ZNF385B: variants seen among roughly 807,000 people sequenced by gnomAD.
ZNF385B encodes the protein zinc finger protein 385B.
In ZNF385B, 23 loss-of-function variants were observed where a neutral mutation model predicts 39.2. The observed-to-expected ratio is 0.59, with a 90% CI of 0.42 to 0.83. The LOEUF (loss-of-function observed/expected upper bound fraction) is 0.83, where lower values mean the gene tolerates loss of function less well. Ranked by LOEUF, ZNF385B falls within the 40% of genes least tolerant of loss-of-function variation. ZNF385B has a pLI of 0.00. For synonymous variants in ZNF385B, 205 were observed against 222.6 expected, an observed-to-expected ratio of 0.92 and a Z score of 0.70; for missense variants, 552 against 598.9, an observed-to-expected ratio of 0.92 and a Z score of 0.82.
At chr2:179,447,077 T>A (rs1260120743) in intron 6 of ZNF385B, among the ~76,000 whole-genome samples, 6 of 152,188 alleles carry the variant, frequency 3.9e-5, no homozygotes, top group Admixed American at 3.9e-4. Context: ...CAAGGAAATA[T>A]TTATTATTAA....
intron 5 of ZNF385B, among the ~76,000 whole-genome samples, chr2:179,495,500 CTTGCGTAAA>C: frequency 1.3e-5 from 2 of 152,282 alleles, no homozygotes; most frequent in Middle Eastern, 6.8e-3. Flanking sequence ...TCCCCAGGGC[CTTGCGTAAA>C]CATAGGCAGC....
chr2:179,571,673 C>A (rs750730394), intron 3 of ZNF385B, among the ~76,000 whole-genome samples: 3 of 152,188 alleles, frequency 2.0e-5, no homozygotes, highest in Non-Finnish European at 2.9e-5. Flanking sequence ...AAGTTCTATT[C>A]ATATTTTCAC....
chr2:179,704,685 C>T lies in ZNF385B; in HGVS notation c.298+64818G>A, dbSNP rs529069026. Among the ~76,000 whole-genome samples the T allele has an allele frequency of 2.6e-4, 40 of 152,222 alleles. 1 individual carries two copies. The highest frequency in any genetic ancestry group is 9.4e-4 in the African/African-American group (39 of 41,510). On this transcript the variant is annotated intron_variant, in intron 3 of 9. Coordinates refer to ENST00000410066, the MANE Select transcript of ZNF385B (RefSeq NM_152520.6). ...AGAGTTATTGACCAATGAGCAGATG[C>T]CAGGGCCAAAGGTACTCTGAAGATG...
chr2:179,635,534 A>C (rs191173144), intron 3 of ZNF385B, among the ~76,000 whole-genome samples: 27 of 152,238 alleles, frequency 1.8e-4, no homozygotes, highest in African/African-American at 6.3e-4. Context: ...AAGTATAATA[A>C]TAATAAAAAA....
At chr2:179,534,058 G>A (rs576099202) in intron 4 of ZNF385B, among the ~76,000 whole-genome samples, 1 of 152,300 alleles carries the variant, frequency 6.6e-6, no homozygotes, top group African/African-American at 2.4e-5. Context: ...CCTCTGTACT[G>A]TTTCCAGGCA....
At chr2:179,471,138 G>T (rs1343016683) in intron 6 of ZNF385B, among the ~76,000 whole-genome samples, 1 of 152,176 alleles carries the variant, frequency 6.6e-6, no homozygotes, top group East Asian at 1.9e-4. Context: ...TTGTTATATG[G>T]AGATTTATGG....
intron 3 of ZNF385B, among the ~76,000 whole-genome samples, chr2:179,729,735 A>C (rs966711699): frequency 1.3e-5 from 2 of 152,200 alleles, no homozygotes; most frequent in Non-Finnish European, 2.9e-5. Context: ...CCATGTGTCG[A>C]GGCAGAGACC....
intron 1 of ZNF385B, among the ~76,000 whole-genome samples, chr2:179,787,217 G>GGAT (rs1192938748): frequency 1.3e-5 from 2 of 151,736 alleles, no homozygotes; most frequent in African/African-American, 4.8e-5. Flanking sequence ...GGATCATTAT[G>GGAT]GATGTATTTA....
At chr2:179,856,446 C>G (rs975825376) in intron 1 of ZNF385B, among the ~76,000 whole-genome samples, 1 of 151,976 alleles carries the variant, frequency 6.6e-6, no homozygotes, top group African/African-American at 2.4e-5. Flanking sequence ...TACAGGAGCC[C>G]AGAAAAGAAA....
chr2:179,450,577 G>A (rs796292361), intron 6 of ZNF385B, among the ~76,000 whole-genome samples: 31 of 151,964 alleles, frequency 2.0e-4, no homozygotes, highest in South Asian at 1.3e-3. Flanking sequence ...TTAGAATGGC[G>A]ATCATTAAAA....
chr2:179,665,186 G>A (rs1447371194), intron 3 of ZNF385B, among the ~76,000 whole-genome samples: 1 of 152,192 alleles, frequency 6.6e-6, no homozygotes, highest in Non-Finnish European at 1.5e-5. Context: ...CTGTCACAAT[G>A]CTAATGTATA....
intron 1 of ZNF385B, among the ~76,000 whole-genome samples, chr2:179,859,676 A>G (rs1684885000): frequency 6.6e-6 from 1 of 152,244 alleles, no homozygotes; most frequent in Non-Finnish European, 1.5e-5. Context: ...TTATAAATCC[A>G]CAAATATTTA....
intron 3 of ZNF385B, among the ~76,000 whole-genome samples, chr2:179,665,259 T>C (rs1339174684): frequency 6.6e-6 from 1 of 152,228 alleles, no homozygotes; most frequent in Non-Finnish European, 1.5e-5. Flanking sequence ...ATATTTATAG[T>C]GAGCTACAAT....
At chr2:179,811,443 A>G (rs1706726913) in intron 1 of ZNF385B, among the ~76,000 whole-genome samples, 1 of 151,996 alleles carries the variant, frequency 6.6e-6, no homozygotes. Flanking sequence ...AGTGTGGTAC[A>G]AAAACAGATT....
chr2:179,445,956 A>G (rs937973175), intron 7 of ZNF385B, among the ~76,000 whole-genome samples: 4 of 152,180 alleles, frequency 2.6e-5, no homozygotes, highest in African/African-American at 9.7e-5. Flanking sequence ...AAGATGACTC[A>G]TATTTTCACT....
chr2:179,540,005 T>A (rs1442947669), intron 4 of ZNF385B, among the ~76,000 whole-genome samples: 2 of 152,170 alleles, frequency 1.3e-5, no homozygotes, highest in East Asian at 3.8e-4. Flanking sequence ...AACTAACAAT[T>A]TTGTTTTTAA....
chr2:179,550,415 G>A lies in ZNF385B; in HGVS notation c.299-5446C>T, dbSNP rs1200526408. On this transcript the variant is annotated intron_variant, in intron 3 of 9. Coordinates refer to ENST00000410066, the MANE Select transcript of ZNF385B (RefSeq NM_152520.6). Reference sequence around the variant, plus strand: ...ACTCCATCAACAAAGGTTGGAATGCGCAATGATCCCCCTTACCCAATCAAA... The same window carrying A: ...ACTCCATCAACAAAGGTTGGAATGCACAATGATCCCCCTTACCCAATCAAA... 7.4e-5 allele frequency among the ~76,000 whole-genome samples: 11 copies of A among 149,542 alleles called. 1 individual carries two copies. Among genetic ancestry groups the A allele is most frequent in the African/African-American group, 2.5e-4 (10 of 39,804 alleles).
At chr2:179,829,814 G>A (rs1033965922) in intron 1 of ZNF385B, among the ~76,000 whole-genome samples, 1 of 152,100 alleles carries the variant, frequency 6.6e-6, no homozygotes, top group African/African-American at 2.4e-5. Context: ...CGCCCGGCCT[G>A]GATATGACTT....
chr2:179,835,287 T>C (rs1708187318), intron 1 of ZNF385B, among the ~76,000 whole-genome samples: 1 of 152,202 alleles, frequency 6.6e-6, no homozygotes, highest in Non-Finnish European at 1.5e-5. Flanking sequence ...TTTCCAATTG[T>C]TGAACCTAGT....
Sources: gnomAD v4.1 joint callset for allele counts (sites outside exome capture counted in the v4.1 genomes callset) on GRCh38, gnomAD v4.1.1 for gene constraint, MANE v1.5 for transcripts, NCBI Gene and HGNC (gene_info 2026-07-23, HGNC 2026-07-21) for gene names.